ASF1A: variants seen among roughly 807,000 people sequenced by gnomAD.
ASF1A encodes the protein histone chaperone ASF1A.
Under a neutral mutation model 22.0 loss-of-function variants are expected in ASF1A, and 5 were observed. The ratio of observed to expected loss-of-function variants is 0.23; its 90% CI spans 0.12 to 0.48. ASF1A has a LOEUF of 0.48. ASF1A is among the 20% of genes least tolerant of loss of function. The pLI, the probability that ASF1A is intolerant of heterozygous loss-of-function variation, is 0.99. For missense variants in ASF1A, 137 were observed against 240.6 expected (o/e 0.57, Z 2.85); for synonymous variants, 97 against 86.7 (o/e 1.12, Z -0.66).
chr6:118,904,832 T>C (rs939693210), intron 2 of ASF1A, among the ~76,000 whole-genome samples: 3 of 152,186 alleles, frequency 2.0e-5, no homozygotes, highest in African/African-American at 4.8e-5. Flanking sequence ...TTCCATCTCA[T>C]TTTCAGTTTT....
rs1306724046 is a variant in ASF1A, at chr6:118,894,226, G to T, written c.-188G>T. On this transcript the variant is annotated 5_prime_UTR_variant, in exon 1 of 4. It adds an upstream start codon to the 5' untranslated region. Coordinates refer to ENST00000229595, the MANE Select transcript of ASF1A (RefSeq NM_014034.3). ...GAATGGGCTGTAGTTTAGTGAAATA[G>T]GAAAGCTGCAAAACACTGTGGAGTG... 7.1e-7 allele frequency: 1 copy of T among 1,416,800 alleles called. No individual in the cohort carries two copies. Among genetic ancestry groups the T allele is most frequent in the East Asian group, 2.6e-5 (1 of 38,886 alleles). 87.8% of individuals were successfully genotyped at this position (1,416,800 alleles called of 1,614,324 possible).
At chr6:118,905,944 T>G in intron 3 of ASF1A, 116 bp downstream of exon 3, 8 of 701,092 alleles carry the variant, frequency 1.1e-5, no homozygotes, top group Non-Finnish European at 1.8e-5. Flanking sequence ...AAATATGAGG[T>G]CCTTATGCCA....
intron 1 of ASF1A, among the ~76,000 whole-genome samples, chr6:118,899,592 G>C (rs1268933617): frequency 6.6e-6 from 1 of 152,158 alleles, no homozygotes; most frequent in Non-Finnish European, 1.5e-5. Flanking sequence ...TTTAGTTCTA[G>C]GACAGAGCCA....
intron 1 of ASF1A, 106 bp downstream of exon 1, chr6:118,894,628 CCGCGGGCT>C: frequency 1.0e-6 from 1 of 1,000,646 alleles, no homozygotes; most frequent in Non-Finnish European, 1.5e-6. Flanking sequence ...CGCCTGGCGG[CCGCGGGCT>C]GCTCTGCGGA....
chr6:118,905,553 A>T, intron 2 of ASF1A, 99 bp from the exon 3 acceptor site: 1 of 892,670 alleles, frequency 1.1e-6, no homozygotes, highest in East Asian at 2.7e-5. Flanking sequence ...TTCTTGTTGC[A>T]TCCTCAACTG....
intron 2 of ASF1A, among the ~76,000 whole-genome samples, chr6:118,905,272 C>A (rs114213180): frequency 0.01 from 1,577 of 152,310 alleles, 29 homozygotes; most frequent in African/African-American, 0.036. Flanking sequence ...ATGAGGAGAT[C>A]ATTTAATACT....
rs1426962762 is a variant in ASF1A, at chr6:118,908,885, G to A, written c.*1271G>A. The A allele has an allele frequency of 6.6e-6, 1 of 152,546 alleles. No individual in the cohort carries two copies. Among genetic ancestry groups the A allele is most frequent in the Admixed American group, 6.6e-5 (1 of 15,266 alleles). The allele number at this position is 152,546 out of a possible 1,614,324, so 9.4% of individuals were successfully genotyped here. ...ATACTGCACTTTTTAAAGCTTTTATGTTGAGGAAAGGAAAAGGGCATTTGT... is the reference window on the plus strand; with the variant it reads ...ATACTGCACTTTTTAAAGCTTTTATATTGAGGAAAGGAAAAGGGCATTTGT... On this transcript the variant is annotated 3_prime_UTR_variant, in exon 4 of 4. Transcript: ENST00000229595.
At chr6:118,901,611 T>C (rs902735828) in intron 2 of ASF1A, among the ~76,000 whole-genome samples, 1 of 152,236 alleles carries the variant, frequency 6.6e-6, no homozygotes, top group Non-Finnish European at 1.5e-5. Context: ...AAAAGTGTTA[T>C]TTCTTTTAAT....
chr6:118,898,312 A>G (rs931171191), intron 1 of ASF1A, among the ~76,000 whole-genome samples: 4 of 152,174 alleles, frequency 2.6e-5, no homozygotes, highest in Admixed American at 1.3e-4. Flanking sequence ...AATTATGGCT[A>G]TGTTCCTATG....
rs189227113 is a variant in ASF1A, at chr6:118,906,534, T to A, written c.402+706T>A. ...TGATGATATTTTTGTGTGTAACTCT[T>A]CCCAAAATTATGAAAGTTTTATGTT... On this transcript the variant is annotated intron_variant, in intron 3 of 3. Transcript: ENST00000229595. Among the ~76,000 whole-genome samples the A allele has an allele frequency of 9.5e-4, 144 of 152,360 alleles. 1 individual carries two copies. Among genetic ancestry groups the A allele is most frequent in the African/African-American group, 3.3e-3 (137 of 41,590 alleles).
At chr6:118,905,608 G>A in intron 2 of ASF1A, 44 bp from the exon 3 acceptor site, 1 of 1,507,344 alleles carries the variant, frequency 6.6e-7, no homozygotes, top group Non-Finnish European at 9.0e-7. Flanking sequence ...GCCACTAACA[G>A]CCTTTTGTGT....
At chr6:118,895,360 A>C (rs1779321002) in intron 1 of ASF1A, among the ~76,000 whole-genome samples, 1 of 152,208 alleles carries the variant, frequency 6.6e-6, no homozygotes, top group African/African-American at 2.4e-5. Flanking sequence ...GAAGAGAAAT[A>C]GAGCTGAGGT....
Position 118,894,324 on chromosome 6 carries a change from G to T in ASF1A, c.-90G>T, listed in dbSNP as rs1779190677. 20 of 1,514,928 alleles carry T rather than the reference G, an allele frequency of 1.3e-5. No homozygotes were observed. Among genetic ancestry groups the T allele is most frequent in the South Asian group, 1.1e-4 (9 of 82,090 alleles). 93.8% of individuals were successfully genotyped at this position (1,514,928 alleles called of 1,614,324 possible). A position where few individuals can be genotyped will look rare whatever the true frequency, so the allele number is the denominator to read the frequency against. On this transcript the variant is annotated 5_prime_UTR_variant, in exon 1 of 4. Coordinates refer to ENST00000229595, the MANE Select transcript of ASF1A (RefSeq NM_014034.3). ...CACGACGTCTGGCCGGCGCTGGAGC[G>T]GGGGTCTGCGCTCTCCCGAGCGGCC...
intron 2 of ASF1A, 194 bp downstream of exon 2, chr6:118,901,075 G>A: frequency 2.0e-6 from 1 of 509,796 alleles, no homozygotes; most frequent in South Asian, 2.7e-5. Context: ...GGTTTTATAT[G>A]CTGAGAGATG....
chr6:118,907,702 C>A lies in ASF1A; in HGVS notation c.*88C>A. 2 of 994,352 alleles carry A rather than the reference C, an allele frequency of 2.0e-6. No individual in the cohort carries two copies. The allele number at this position is 994,352 out of a possible 1,614,324, so 61.6% of individuals were successfully genotyped here. On this transcript the variant is annotated 3_prime_UTR_variant, in exon 4 of 4. Transcript: ENST00000229595. ...ATTCCGTAAGTACATAGTCAAAACA[C>A]AATGTGAAGAATTTGTTTAAAAACA... is the stretch of plus-strand genomic sequence containing the variant.
intron 1 of ASF1A, among the ~76,000 whole-genome samples, chr6:118,896,742 A>G (rs1022529628): frequency 4.6e-5 from 7 of 152,216 alleles, no homozygotes; most frequent in Non-Finnish European, 1.0e-4. Context: ...TATGTGGATT[A>G]AGGAAATTTT....
Position 118,894,525 on chromosome 6 carries a change from G to T in ASF1A, c.109+3G>T. The T allele has an allele frequency of 1.3e-6, 2 of 1,536,254 alleles. No homozygotes were observed. The highest frequency in any genetic ancestry group is 1.7e-6 in the Non-Finnish European group (2 of 1,146,022). On this transcript the variant is annotated splice_donor_region_variant and intron_variant, in intron 1 of 3. Transcript: ENST00000229595. ...GTGCATCGAGGACCTGTCTGAAGGTGAGTGCGGCGCCCGTGCGCCCGGGCT... is the reference window on the plus strand; with the variant it reads ...GTGCATCGAGGACCTGTCTGAAGGTTAGTGCGGCGCCCGTGCGCCCGGGCT...
chr6:118,907,179 T>G (rs75066481), intron 3 of ASF1A, among the ~76,000 whole-genome samples: 2 of 152,296 alleles, frequency 1.3e-5, no homozygotes, highest in East Asian at 3.9e-4. Flanking sequence ...CCCCTCAGAT[T>G]CTCCGTATCT....
intron 2 of ASF1A, among the ~76,000 whole-genome samples, chr6:118,904,915 G>C (rs968394774): frequency 6.6e-6 from 1 of 152,196 alleles, no homozygotes; most frequent in Non-Finnish European, 1.5e-5. Context: ...TCAGCTCACT[G>C]CAACTTCCAC....
Sources: gnomAD v4.1 joint callset for allele counts (sites outside exome capture counted in the v4.1 genomes callset) on GRCh38, gnomAD v4.1.1 for gene constraint, MANE v1.5 for transcripts, NCBI Gene and HGNC (gene_info 2026-07-23, HGNC 2026-07-21) for gene names.